Variants in HLCS observed in about 807,000 individuals in gnomAD.
HLCS encodes the protein biotin--protein ligase.
Under a neutral mutation model 75.0 loss-of-function variants are expected in HLCS, and 53 were observed. The observed-to-expected ratio is 0.71, with a 90% CI of 0.57 to 0.89. The LOEUF (loss-of-function observed/expected upper bound fraction) is 0.89. Among genes scored for constraint, HLCS ranks in the 40% least tolerant of loss-of-function variants. The pLI is 0.00. For missense variants in HLCS, 966 were observed against 1,074.0 expected (o/e 0.90, Z 1.41); for synonymous variants, 431 against 428.6 (o/e 1.01, Z -0.07).
intron 5 of HLCS, among the ~76,000 whole-genome samples, chr21:36,899,568 G>T (rs182301110): frequency 1.3e-5 from 2 of 152,248 alleles, no homozygotes; most frequent in East Asian, 3.9e-4. Flanking sequence ...AGGTTGCAGT[G>T]AGCCGAGATC....
intron 2 of HLCS, among the ~76,000 whole-genome samples, chr21:36,951,671 C>T (rs1389199986): frequency 1.3e-5 from 2 of 152,216 alleles, no homozygotes; most frequent in African/African-American, 2.4e-5. Context: ...TGGCATATAA[C>T]AGGCACTCAA....
intron 6 of HLCS, among the ~76,000 whole-genome samples, chr21:36,841,945 T>A (rs1162393674): frequency 2.0e-5 from 3 of 152,192 alleles, no homozygotes; most frequent in African/African-American, 7.2e-5. Context: ...AAGGCTGACA[T>A]ATGCATACCT....
chr21:36,839,293 C>T (rs11702134), intron 6 of HLCS, among the ~76,000 whole-genome samples: 22,900 of 152,138 alleles, frequency 0.15, 1,912 homozygotes, highest in African/African-American at 0.22. Flanking sequence ...TCCAGTCCAA[C>T]GTGAATGGCT....
rs199860744 is a variant in HLCS, at chr21:36,754,213, G to C, written c.*33C>G. 30 of 1,609,716 alleles carry C rather than the reference G, an allele frequency of 1.9e-5. No individual in the cohort carries two copies. The highest frequency in any genetic ancestry group is 1.7e-4 in the Middle Eastern group (1 of 5,892). On this transcript the variant is annotated 3_prime_UTR_variant, in exon 11 of 11. Transcript: ENST00000674895. ...ATTAGATTTCCAGATGCATGGGCACGGACAGGCAGCCGCGTCTCGGGGACG... is the reference window on the plus strand; with the variant it reads ...ATTAGATTTCCAGATGCATGGGCACCGACAGGCAGCCGCGTCTCGGGGACG...
At position 36,880,458 on chromosome 21, in the gene HLCS, T is replaced by C. The variant is rs868367912; in HGVS notation, c.1892+16402A>G. Among the ~76,000 whole-genome samples the C allele has an allele frequency of 1.1e-4, 17 of 152,186 alleles. No homozygotes were observed. In the South Asian group the frequency reaches 3.1e-3, roughly 28 times the overall value. ...ATTCACAGCCCAGGTTTGCAACATC[T>C]AAGTTTCTTGTATTACCTCAATGGG... On this transcript the variant is annotated intron_variant, in intron 6 of 10. Transcript: ENST00000674895.
chr21:36,885,458 T>C (rs762902591), intron 6 of HLCS, among the ~76,000 whole-genome samples: 3 of 149,756 alleles, frequency 2.0e-5, no homozygotes, highest in Non-Finnish European at 4.4e-5. Flanking sequence ...CAGTGAGCCA[T>C]GATCAGACCA....
intron 5 of HLCS, among the ~76,000 whole-genome samples, chr21:36,898,317 G>A (rs1295462421): frequency 6.6e-6 from 1 of 151,722 alleles, no homozygotes; most frequent in Non-Finnish European, 1.5e-5. Context: ...ATGGTGGCGG[G>A]TGCCTGTAAT....
Position 36,754,341 on chromosome 21 carries a change from G to A in HLCS, c.2527C>T (p.Gln843Ter), listed in dbSNP as rs1466111134. The A allele has an allele frequency of 1.9e-6, 3 of 1,613,896 alleles. No homozygotes were observed. The highest frequency in any genetic ancestry group is 2.5e-6 in the Non-Finnish European group (3 of 1,179,996). The change falls in exon 11 of 11, where the codon CAG becomes TAG. Residue 843 changes from glutamine to a stop codon, truncating the protein, a stop_gained. Transcript: ENST00000674895. LOFTEE classifies it high-confidence loss of function. ...IVGLDDSGFL[Q>*]VHQEGGEVVT... ...ACCTCGCCGCCCTCCTGGTGAACCT[G>A]GAGGAAGCCAGAATCGTCCAGGCCA...
chr21:36,899,158 A>G (rs991101172), intron 5 of HLCS, among the ~76,000 whole-genome samples: 1 of 152,188 alleles, frequency 6.6e-6, no homozygotes, highest in African/African-American at 2.4e-5. Flanking sequence ...CCCAAAATAC[A>G]TAAAGTAAGG....
intron 2 of HLCS, chr21:36,947,380 C>A: frequency 1.0e-6 from 1 of 985,394 alleles, no homozygotes; most frequent in Non-Finnish European, 1.2e-6. Flanking sequence ...AGCCATGGAC[C>A]ATGCAAACGC....
chr21:36,822,054 C>T (rs369170089), intron 6 of HLCS, among the ~76,000 whole-genome samples: 3 of 152,154 alleles, frequency 2.0e-5, no homozygotes, highest in African/African-American at 7.2e-5. Flanking sequence ...GCTAATGAGC[C>T]ATTGTCAGGC....
At chr21:36,839,784 C>T (rs1345916920) in intron 6 of HLCS, among the ~76,000 whole-genome samples, 1 of 152,172 alleles carries the variant, frequency 6.6e-6, no homozygotes, top group East Asian at 1.9e-4. Context: ...AATATGGATC[C>T]CTAAGATCAT....
At chr21:36,870,315 A>G (rs1345443641) in intron 6 of HLCS, among the ~76,000 whole-genome samples, 1 of 152,142 alleles carries the variant, frequency 6.6e-6, no homozygotes, top group Non-Finnish European at 1.5e-5. Context: ...GGGAGGAAGA[A>G]AAGAGAATAC....
intron 6 of HLCS, among the ~76,000 whole-genome samples, chr21:36,771,881 C>T (rs1055653876): frequency 8.8e-4 from 133 of 151,942 alleles, no homozygotes; most frequent in Admixed American, 3.5e-3. Context: ...TGCCTGTAAT[C>T]CCAGCTATGT....
intron 6 of HLCS, among the ~76,000 whole-genome samples, chr21:36,772,934 T>C (rs1281505359): frequency 6.7e-6 from 1 of 150,130 alleles, no homozygotes; most frequent in Non-Finnish European, 1.5e-5. Flanking sequence ...TGAGCCAAGA[T>C]TGTCCCACTG....
chr21:36,928,405 C>T (rs28420273), intron 5 of HLCS, among the ~76,000 whole-genome samples: 16,575 of 151,840 alleles, frequency 0.11, 957 homozygotes, highest in East Asian at 0.21. Context: ...CCTGTCTCTA[C>T]AAAAAGTATT....
Position 36,900,988 on chromosome 21 carries a change from C to T in HLCS, c.1621-3857G>A, listed in dbSNP as rs116563877. ...TTAAAAATCCCACGGGGGCTGGGCGCGGTGGCTCACACCTGTAATCCCAGC... is the reference window on the plus strand; with the variant it reads ...TTAAAAATCCCACGGGGGCTGGGCGTGGTGGCTCACACCTGTAATCCCAGC... On this transcript the variant is annotated intron_variant, in intron 5 of 10. Transcript: ENST00000674895. 4.0e-3 allele frequency among the ~76,000 whole-genome samples: 603 copies of T among 152,210 alleles called. 7 individuals carry two copies. The highest frequency in any genetic ancestry group is 0.014 in the African/African-American group (585 of 41,528).
intron 6 of HLCS, among the ~76,000 whole-genome samples, chr21:36,846,934 G>A (rs2062818557): frequency 6.6e-6 from 1 of 152,074 alleles, no homozygotes; most frequent in South Asian, 2.1e-4. Context: ...AGGATGCAAG[G>A]GGATTTTCAA....
intron 6 of HLCS, among the ~76,000 whole-genome samples, chr21:36,888,445 A>AT (rs1395727837): frequency 2.5e-4 from 6 of 24,072 alleles, no homozygotes; most frequent in South Asian, 5.4e-3. Context: ...AAAAAAAAAA[A>AT]ATATATATAT....
Sources: allele counts gnomAD v4.1 joint callset (sites outside exome capture counted in the v4.1 genomes callset), GRCh38; gene constraint gnomAD v4.1.1; transcripts MANE v1.5; gene names NCBI Gene and HGNC (gene_info 2026-07-23, HGNC 2026-07-21).